Variants in COL13A1 observed in about 807,000 individuals in gnomAD.
COL13A1 encodes collagen type XIII alpha 1 chain, also known as collagen alpha-1(XIII) chain.
A neutral mutation model predicts 130.9 loss-of-function variants in COL13A1; 89 were observed. The observed-to-expected ratio is 0.68, with a 90% CI of 0.57 to 0.81. The LOEUF (loss-of-function observed/expected upper bound fraction) is 0.81, where lower values mean the gene tolerates loss of function less well. Ranked by LOEUF, COL13A1 falls within the 30% of genes least tolerant of loss-of-function variation. COL13A1 has a pLI of 0.00. For missense variants in COL13A1, 879 were observed against 934.6 expected (o/e 0.94, Z 0.78); for synonymous variants, 402 against 341.6 (o/e 1.18, Z -1.95).
chr10:69,815,589 T>C (rs1415850407), intron 1 of COL13A1, among the ~76,000 whole-genome samples: 1 of 152,126 alleles, frequency 6.6e-6, no homozygotes, highest in African/African-American at 2.4e-5. Context: ...TGAAGCTGGC[T>C]TTGGAGAGAG....
chr10:69,838,278 G>T (rs556846882), intron 2 of COL13A1, among the ~76,000 whole-genome samples: 10 of 152,282 alleles, frequency 6.6e-5, no homozygotes, highest in Admixed American at 6.5e-4. Context: ...GAAGGCAAGG[G>T]GTTCTTCTAG....
intron 17 of COL13A1, among the ~76,000 whole-genome samples, chr10:69,913,241 C>T (rs995499694): frequency 6.6e-6 from 1 of 152,194 alleles, no homozygotes; most frequent in Non-Finnish European, 1.5e-5. Context: ...GTGGCCAAGA[C>T]CTTTTGTAAG....
At chr10:69,819,944 C>A (rs935562510) in intron 1 of COL13A1, among the ~76,000 whole-genome samples, 36 of 152,188 alleles carry the variant, frequency 2.4e-4, no homozygotes, top group Admixed American at 6.5e-5. Flanking sequence ...TGTCTCTGAG[C>A]CTTCGCCTCT....
At chr10:69,830,217 C>T (rs1314817226) in intron 2 of COL13A1, among the ~76,000 whole-genome samples, 1 of 152,146 alleles carries the variant, frequency 6.6e-6, no homozygotes, top group African/African-American at 2.4e-5. Context: ...AAAGCAGCTC[C>T]CTTCCTAGGC....
chr10:69,948,323 C>G (rs1418091440), intron 38 of COL13A1, among the ~76,000 whole-genome samples: 2 of 139,304 alleles, frequency 1.4e-5, no homozygotes, highest in Admixed American at 1.5e-4. Flanking sequence ...ATGCTCCTAT[C>G]TGGCAACAGT....
At chr10:69,843,301 T>C (rs959147400) in intron 2 of COL13A1, among the ~76,000 whole-genome samples, 1 of 151,898 alleles carries the variant, frequency 6.6e-6, no homozygotes. Flanking sequence ...AGGGTGAGAG[T>C]GCAGAATCTG....
intron 2 of COL13A1, among the ~76,000 whole-genome samples, chr10:69,848,994 A>AC (rs1317933825): frequency 3.3e-5 from 5 of 150,880 alleles, no homozygotes; most frequent in African/African-American, 9.8e-5. Flanking sequence ...GTGCCTTGAC[A>AC]CCCCCCTGCA....
At chr10:69,911,514 G>GTGA (rs1279938910) in intron 17 of COL13A1, among the ~76,000 whole-genome samples, 2 of 152,330 alleles carry the variant, frequency 1.3e-5, no homozygotes, top group East Asian at 3.9e-4. Flanking sequence ...TGATCCCAAA[G>GTGA]CCTTGCTCTG....
chr10:69,930,489 C>T lies in COL13A1; in HGVS notation c.1620C>T (p.Asn540=), dbSNP rs372843441. The change falls in exon 30 of 41, where the codon AAC becomes AAT. Residue 540 remains asparagine (N), a synonymous_variant. Coordinates refer to ENST00000645393, the MANE Select transcript of COL13A1 (RefSeq NM_001368882.1). The part of the protein sequence containing the change: ...KDGPPGVKGE[N]GHPGSPGEKG... ...GACCTCCAGGAGTGAAGGGAGAAAACGGGCACCCAGGGAGCCCAGGAGAGA... is the reference window on the plus strand; with the variant it reads ...GACCTCCAGGAGTGAAGGGAGAAAATGGGCACCCAGGGAGCCCAGGAGAGA... 1.5e-5 allele frequency: 25 copies of T among 1,613,828 alleles called. No homozygotes were observed. The highest frequency in any genetic ancestry group is 6.6e-5 in the South Asian group (6 of 91,072).
intron 38 of COL13A1, among the ~76,000 whole-genome samples, chr10:69,947,593 A>G (rs2068746738): frequency 6.6e-6 from 1 of 152,120 alleles, no homozygotes; most frequent in Admixed American, 6.5e-5. Flanking sequence ...CCAGCTTAGC[A>G]TTGCTATCCA....
chr10:69,945,533 T>C, intron 36 of COL13A1, 138 bp from the exon 37 acceptor site: 1 of 1,198,710 alleles, frequency 8.3e-7, no homozygotes, highest in South Asian at 1.5e-5. Flanking sequence ...GCACCCCACC[T>C]TTCCCATAGC....
intron 16 of COL13A1, among the ~76,000 whole-genome samples, chr10:69,905,298 T>C (rs10999021): frequency 0.1 from 15,743 of 152,114 alleles, 978 homozygotes; most frequent in African/African-American, 0.17. Context: ...TTTTATAAGG[T>C]GTCAGAATGG....
intron 2 of COL13A1, among the ~76,000 whole-genome samples, chr10:69,854,000 C>G (rs12415993): frequency 0.21 from 31,386 of 152,118 alleles, 3,961 homozygotes; most frequent in East Asian, 0.55. Context: ...GAAAAACAAA[C>G]TAAAAAAAAT....
intron 38 of COL13A1, 94 bp downstream of exon 38, chr10:69,947,436 C>G: frequency 4.1e-6 from 5 of 1,223,092 alleles, no homozygotes; most frequent in Non-Finnish European, 5.8e-6. Context: ...ACATGGCGAA[C>G]AGTTTTTCCT....
At chr10:69,921,991 T>G in intron 22 of COL13A1, 56 bp downstream of exon 22, 1 of 1,547,556 alleles carries the variant, frequency 6.5e-7, no homozygotes, top group East Asian at 2.4e-5. Flanking sequence ...ATCCCATACC[T>G]GGCCCTGCAC....
At chr10:69,838,909 G>T (rs1850831883) in intron 2 of COL13A1, among the ~76,000 whole-genome samples, 1 of 152,266 alleles carries the variant, frequency 6.6e-6, no homozygotes, top group Middle Eastern at 3.2e-3. Context: ...GGCGAAGCCA[G>T]TGAGTTCCTG....
chr10:69,886,536 G>C (rs1413467047), intron 7 of COL13A1, among the ~76,000 whole-genome samples: 1 of 152,218 alleles, frequency 6.6e-6, no homozygotes, highest in Non-Finnish European at 1.5e-5. Flanking sequence ...GCATGGAATA[G>C]ATGGAAAGAT....
In COL13A1 at chr10:69,879,641, G is replaced by A. The variant is rs374597331; in HGVS notation, c.463-862G>A. On this transcript the variant is annotated intron_variant, in intron 6 of 40. Transcript: ENST00000645393. ...CGTTTCCCGTAAGGGCAACAGAGCC[G>A]CTCTCAGCATTCCTGTTCCCAGAGG... is the stretch of plus-strand genomic sequence containing the variant. Among the ~76,000 whole-genome samples the A allele has an allele frequency of 5.9e-5, 9 of 152,212 alleles. No homozygotes were observed. The South Asian group carries it at 1.0e-3, about 18-fold the overall frequency.
At chr10:69,876,884 C>T (rs556503337) in intron 5 of COL13A1, among the ~76,000 whole-genome samples, 2 of 152,330 alleles carry the variant, frequency 1.3e-5, no homozygotes, top group African/African-American at 4.8e-5. Context: ...CAGAGACAGG[C>T]CCACAGGGAA....
Sources: allele counts gnomAD v4.1 joint callset (sites outside exome capture counted in the v4.1 genomes callset), GRCh38; gene constraint gnomAD v4.1.1; transcripts MANE v1.5; gene names NCBI Gene and HGNC (gene_info 2026-07-23, HGNC 2026-07-21).